IRAG1: variants seen among roughly 807,000 people sequenced by gnomAD.
The protein encoded by IRAG1 is IP3R-associated cGMP kinase substrate.
A neutral mutation model predicts 106.2 loss-of-function variants in IRAG1; 62 were observed. The ratio of observed to expected loss-of-function variants is 0.58; its 90% CI spans 0.48 to 0.72. The LOEUF (loss-of-function observed/expected upper bound fraction) is 0.72, where lower values mean the gene tolerates loss of function less well. Ranked by LOEUF, IRAG1 falls within the 30% of genes least tolerant of loss-of-function variation. The pLI, the probability that IRAG1 is intolerant of heterozygous loss-of-function variation, is 0.00. For missense variants in IRAG1, 1,064 were observed against 1,140.7 expected (o/e 0.93, Z 0.97); for synonymous variants, 462 against 443.9 (o/e 1.04, Z -0.51).
chr11:10,618,904 C>T (rs1436177170), intron 10 of IRAG1, among the ~76,000 whole-genome samples: 1 of 152,122 alleles, frequency 6.6e-6, no homozygotes, highest in African/African-American at 2.4e-5. Context: ...AACAGATTTG[C>T]CTTCTAGAGA....
intron 18 of IRAG1, among the ~76,000 whole-genome samples, chr11:10,591,176 G>T (rs34291522): frequency 0.039 from 5,996 of 152,286 alleles, 180 homozygotes; most frequent in Non-Finnish European, 0.056. Context: ...CAAGGAAGTT[G>T]TAGACTCGCT....
chr11:10,682,648 T>C (rs1589976017), intron 1 of IRAG1, among the ~76,000 whole-genome samples: 1 of 152,206 alleles, frequency 6.6e-6, no homozygotes, highest in Non-Finnish European at 1.5e-5. Context: ...GTTAGTTATC[T>C]ATGGAAGTAA....
Position 10,606,754 on chromosome 11 carries a change from TTCA to T in IRAG1, c.1587_1589del (p.Glu530del). 6.3e-7 allele frequency: 1 copy of T among 1,595,178 alleles called. No homozygotes were observed. The highest frequency in any genetic ancestry group is 8.5e-7 in the Non-Finnish European group (1 of 1,170,060). On this transcript the variant is annotated inframe_deletion, in exon 12 of 21. Transcript: ENST00000423302. ...TTGAGTCACTTACCTCAACTTCCTT[TTCA>T]GTGAGTGGAGGGGCACTGTGAAAAA... is the stretch of plus-strand genomic sequence containing the variant.
At chr11:10,648,400 C>A (rs1564927338) in intron 2 of IRAG1, among the ~76,000 whole-genome samples, 1 of 152,198 alleles carries the variant, frequency 6.6e-6, no homozygotes, top group South Asian at 2.1e-4. Context: ...ATTCCTAAGA[C>A]CTACCTCAAG....
intron 1 of IRAG1, among the ~76,000 whole-genome samples, chr11:10,674,637 T>C (rs995391080): frequency 6.6e-6 from 1 of 152,258 alleles, no homozygotes; most frequent in African/African-American, 2.4e-5. Context: ...CATCCAGACC[T>C]GGCGACCTGG....
chr11:10,593,315 A>C, intron 17 of IRAG1, 177 bp downstream of exon 17: 1 of 523,246 alleles, frequency 1.9e-6, no homozygotes, highest in South Asian at 2.3e-5. Context: ...GAGTAGTAGA[A>C]TACATGCAGC....
intron 10 of IRAG1, among the ~76,000 whole-genome samples, chr11:10,623,443 G>A (rs538537550): frequency 1.3e-5 from 2 of 152,206 alleles, no homozygotes; most frequent in African/African-American, 2.4e-5. Flanking sequence ...AGAGATGGCC[G>A]TGATGCCTTG....
chr11:10,646,708 C>T (rs149178612), intron 2 of IRAG1, among the ~76,000 whole-genome samples: 6 of 152,254 alleles, frequency 3.9e-5, no homozygotes, highest in East Asian at 1.9e-4. Flanking sequence ...AGAGCTACTG[C>T]GTAACAGGGC....
chr11:10,617,880 T>C (rs1169240538), intron 10 of IRAG1, among the ~76,000 whole-genome samples: 1 of 152,182 alleles, frequency 6.6e-6, no homozygotes, highest in African/African-American at 2.4e-5. Flanking sequence ...CCCTATCCTT[T>C]TACCTGGTGT....
chr11:10,604,364 T>A, intron 13 of IRAG1, 41 bp downstream of exon 13: 1 of 1,612,678 alleles, frequency 6.2e-7, no homozygotes, highest in South Asian at 1.1e-5. Context: ...TTGGGGACAG[T>A]CTCTGCTCCA....
chr11:10,633,750 G>A (rs1205977075), intron 3 of IRAG1, among the ~76,000 whole-genome samples: 1 of 152,176 alleles, frequency 6.6e-6, no homozygotes, highest in Non-Finnish European at 1.5e-5. Context: ...CCGTCGCAGA[G>A]CCAAAAGGAC....
intron 11 of IRAG1, 32 bp downstream of exon 11, chr11:10,609,696 A>G: frequency 1.2e-6 from 2 of 1,601,840 alleles, no homozygotes; most frequent in South Asian, 1.1e-5. Context: ...CACTCGGTAC[A>G]GGGCCTTCTG....
chr11:10,590,404 G>C (rs577019891), intron 18 of IRAG1, among the ~76,000 whole-genome samples: 2 of 152,324 alleles, frequency 1.3e-5, no homozygotes, highest in East Asian at 3.9e-4. Flanking sequence ...TGATAAGCTG[G>C]TGGCTATACA....
At chr11:10,680,368 A>AGAAAGAAAGAAAGAAAGAAG (rs1186897932) in intron 1 of IRAG1, among the ~76,000 whole-genome samples, 1 of 80,918 alleles carries the variant, frequency 1.2e-5, no homozygotes, top group African/African-American at 6.1e-5. Flanking sequence ...AAAGAAAGAA[A>AGAAAGAAAGAAAGAAAGAAG]GAAGGAAGGA....
chr11:10,641,399 C>T (rs985563298), intron 2 of IRAG1, among the ~76,000 whole-genome samples: 2 of 152,184 alleles, frequency 1.3e-5, no homozygotes, highest in African/African-American at 2.4e-5. Flanking sequence ...GTGGTCACGG[C>T]GCAATGGAGC....
intron 14 of IRAG1, among the ~76,000 whole-genome samples, chr11:10,601,425 T>A (rs901708129): frequency 2.0e-5 from 3 of 152,184 alleles, no homozygotes; most frequent in African/African-American, 7.2e-5. Context: ...GCCAGGGAAC[T>A]CCAAGAGGAG....
chr11:10,599,340 G>C (rs1284146247), intron 15 of IRAG1, among the ~76,000 whole-genome samples: 1 of 152,216 alleles, frequency 6.6e-6, no homozygotes, highest in African/African-American at 2.4e-5. Flanking sequence ...AGACTCATGG[G>C]TAACTGCTCA....
intron 18 of IRAG1, among the ~76,000 whole-genome samples, chr11:10,588,340 A>G (rs1264270888): frequency 1.3e-5 from 2 of 151,616 alleles, no homozygotes; most frequent in Non-Finnish European, 2.9e-5. Flanking sequence ...CTAGAGGGAA[A>G]CTTTTTTTTT....
intron 10 of IRAG1, among the ~76,000 whole-genome samples, chr11:10,622,560 A>G (rs543052721): frequency 3.1e-4 from 47 of 152,250 alleles, no homozygotes; most frequent in African/African-American, 8.4e-4. Context: ...CCTAGAGTAC[A>G]GTGGCACGAT....
Sources: allele counts gnomAD v4.1 joint callset (sites outside exome capture counted in the v4.1 genomes callset), GRCh38; gene constraint gnomAD v4.1.1; transcripts MANE v1.5; gene names NCBI Gene and HGNC (gene_info 2026-07-23, HGNC 2026-07-21).